The following SLCO1C1 variants were observed in gnomAD, a reference collection of about 807,000 sequenced individuals.
SLCO1C1 encodes the protein OAT-RP-5.
Under a neutral mutation model 76.4 loss-of-function variants are expected in SLCO1C1, and 70 were observed. The ratio of observed to expected loss-of-function variants is 0.92; its 90% confidence interval spans 0.76 to 1.12. The LOEUF (loss-of-function observed/expected upper bound fraction) is 1.12. Ranked by LOEUF, SLCO1C1 falls within the 50% of genes most tolerant of loss-of-function variation. The pLI, the probability that SLCO1C1 is intolerant of heterozygous loss-of-function variation, is 0.00. For missense variants in SLCO1C1, 912 were observed against 823.8 expected (o/e 1.11, Z -1.31); for synonymous variants, 306 against 286.1 (o/e 1.07, Z -0.70).
chr12:20,715,976 C>T (rs1947343713), intron 6 of SLCO1C1, among the ~76,000 whole-genome samples: 1 of 152,136 alleles, frequency 6.6e-6, no homozygotes, highest in African/African-American at 2.4e-5. Context: ...ACACGTCAGT[C>T]TCTCCTTTTT....
intron 11 of SLCO1C1, among the ~76,000 whole-genome samples, chr12:20,737,522 TCATTTTGC>T (rs1276147510): frequency 1.3e-5 from 2 of 152,186 alleles, no homozygotes; most frequent in African/African-American, 4.8e-5. Flanking sequence ...TCTATTTCTC[TCATTTTGC>T]TTATAAGAAG....
At chr12:20,735,184 C>T (rs922270235) in intron 10 of SLCO1C1, among the ~76,000 whole-genome samples, 1 of 152,044 alleles carries the variant, frequency 6.6e-6, no homozygotes, top group Non-Finnish European at 1.5e-5. Flanking sequence ...TTGCTTTATT[C>T]CAAACGCTGT....
chr12:20,722,025 G>T lies in SLCO1C1; in HGVS notation c.997G>T (p.Ala333Ser). 1 of 1,613,032 alleles carries T rather than the reference G, an allele frequency of 6.2e-7. No homozygotes were observed. The highest frequency in any genetic ancestry group is 8.5e-7 in the Non-Finnish European group (1 of 1,179,676). ...CTACCAAACACCCCAGGGAGAAAAT[G>T]CAAAAATAATGGAAATGGCAAGAGG... ...TDYQTPQGEN[A>S]KIMEMARDFL... Residue 333 changes from alanine to serine, a missense_variant, in exon 8 of 15, where the codon GCA (alanine) becomes TCA (serine). Physicochemically the swap from Ala to Ser is moderately conservative, Grantham distance 99 (BLOSUM62 1). Coordinates refer to ENST00000266509, the MANE Select transcript of SLCO1C1 (RefSeq NM_017435.5).
intron 5 of SLCO1C1, among the ~76,000 whole-genome samples, chr12:20,712,290 G>C (rs575032218): frequency 1.7e-4 from 26 of 152,210 alleles, no homozygotes; most frequent in Admixed American, 1.7e-3. Flanking sequence ...TTGGCAATAT[G>C]GGAATATTCT....
Position 20,743,285 on chromosome 12 carries a change from G to A in SLCO1C1, c.1734-20G>A. On this transcript the variant is annotated intron_variant, in intron 12 of 14. Transcript: ENST00000266509. ...TAATGGATTATATATTTCTTGTAATGGTGCTTTTGTTGATTTTAGGTGCAT... is the reference window on the plus strand; with the variant it reads ...TAATGGATTATATATTTCTTGTAATAGTGCTTTTGTTGATTTTAGGTGCAT... 6.2e-7 allele frequency: 1 copy of A among 1,607,914 alleles called. No homozygotes were observed. The highest frequency in any genetic ancestry group is 1.1e-5 in the South Asian group (1 of 90,742).
chr12:20,735,521 T>C (rs1948497922), intron 10 of SLCO1C1, among the ~76,000 whole-genome samples: 1 of 152,214 alleles, frequency 6.6e-6, no homozygotes, highest in Non-Finnish European at 1.5e-5. Context: ...AAAAGGCAGT[T>C]TTATACTTTC....
At position 20,699,634 on chromosome 12, in the gene SLCO1C1, G is replaced by C; in HGVS notation, c.58G>C (p.Val20Leu). The C allele has an allele frequency of 6.2e-7, 1 of 1,612,544 alleles. No homozygotes were observed. The highest frequency in any genetic ancestry group is 8.5e-7 in the Non-Finnish European group (1 of 1,179,128). Residue 20 changes from valine to leucine, a missense_variant, in exon 2 of 15, where the codon GTT (valine) becomes CTT (leucine). By Grantham distance (32) the Val-to-Leu change is conservative. Transcript: ENST00000266509. ...GTTCTGCAAAACTTCAGTGCAACCT[G>C]TTGGAAGGCCTTCTTTTAAAACAGA... ...QLFCKTSVQP[V>L]GRPSFKTEYP...
At chr12:20,701,508 G>A in intron 3 of SLCO1C1, 49 bp downstream of exon 3, 1 of 1,383,312 alleles carries the variant, frequency 7.2e-7, no homozygotes, top group Non-Finnish European at 9.6e-7. Flanking sequence ...AGATCTTCTA[G>A]GTGTGGCTAA....
intron 14 of SLCO1C1, 114 bp downstream of exon 14, chr12:20,750,906 G>A: frequency 6.3e-7 from 1 of 1,597,396 alleles, no homozygotes. Flanking sequence ...GTAAAGAATA[G>A]TCTAATCAAA....
intron 13 of SLCO1C1, among the ~76,000 whole-genome samples, chr12:20,746,123 C>T (rs1023874739): frequency 1.3e-5 from 2 of 151,986 alleles, no homozygotes; most frequent in African/African-American, 4.8e-5. Flanking sequence ...AATGAATAAG[C>T]TATCAAAGCC....
At chr12:20,730,178 C>G (rs1948203767) in intron 9 of SLCO1C1, among the ~76,000 whole-genome samples, 1 of 152,124 alleles carries the variant, frequency 6.6e-6, no homozygotes, top group Non-Finnish European at 1.5e-5. Context: ...TCAGAAGATA[C>G]TTTATTCATA....
chr12:20,717,727 C>T lies in SLCO1C1; in HGVS notation c.775+497C>T, dbSNP rs551476945. On this transcript the variant is annotated intron_variant, in intron 7 of 14. Coordinates refer to ENST00000266509, the MANE Select transcript of SLCO1C1 (RefSeq NM_017435.5). The stretch of plus-strand genomic sequence containing the variant: ...GTCATTTTTAGGTGGAAGCATGTTA[C>T]AGCACATTATCGAGGAAGACTGGCT... Among the ~76,000 whole-genome samples, 5 of 119,580 alleles carry T rather than the reference C, an allele frequency of 4.2e-5. No homozygotes were observed. The East Asian group carries it at 1.5e-3, about 35-fold the overall frequency. 78.4% of individuals were successfully genotyped at this position (119,580 alleles called of 152,430 possible).
rs1238632883 is a variant in SLCO1C1 at position 20,740,814 on chromosome 12, T to TATATATATAC, written c.1733+450_1733+451insATATACATAT. ...ATATATATATATATATATATATATA[T>TATATATATAC]ATATGGCTTTATCTGTATATTTTTG... On this transcript the variant is annotated intron_variant, in intron 12 of 14. Transcript: ENST00000266509. Among the ~76,000 whole-genome samples the TATATATATAC allele has an allele frequency of 5.3e-5, 7 of 133,318 alleles. No homozygotes were observed. The South Asian group carries it at 1.7e-3, about 33-fold the overall frequency. The allele number at this position is 133,318 out of a possible 152,430, so 87.5% of individuals were successfully genotyped here.
chr12:20,735,887 T>C (rs1455759435), intron 10 of SLCO1C1, among the ~76,000 whole-genome samples: 1 of 152,172 alleles, frequency 6.6e-6, no homozygotes, highest in Non-Finnish European at 1.5e-5. Context: ...TTATTCCTGG[T>C]TCTGGACATA....
At chr12:20,699,865 A>C in intron 2 of SLCO1C1, 160 bp downstream of exon 2, 1 of 720,410 alleles carries the variant, frequency 1.4e-6, no homozygotes, top group Admixed American at 3.8e-5. Context: ...CGGTGCAAGC[A>C]ATCTCTACCT....
chr12:20,726,055 CG>C (rs1947969531), intron 9 of SLCO1C1, among the ~76,000 whole-genome samples: 1 of 151,986 alleles, frequency 6.6e-6, no homozygotes, highest in Non-Finnish European at 1.5e-5. Context: ...GCCGACTAAG[CG>C]TAAGTGGGCC....
At chr12:20,714,951 T>C (rs930723680) in intron 5 of SLCO1C1, among the ~76,000 whole-genome samples, 188 bp from the exon 6 acceptor site, 1 of 152,162 alleles carries the variant, frequency 6.6e-6, no homozygotes, top group African/African-American at 2.4e-5. Flanking sequence ...TCTTGGGGAT[T>C]TACTCTGCCT....
intron 8 of SLCO1C1, among the ~76,000 whole-genome samples, chr12:20,722,732 G>A (rs1188906501): frequency 6.6e-6 from 1 of 152,206 alleles, no homozygotes. Flanking sequence ...GAAAAGTGAA[G>A]GTCTTTATGT....
At chr12:20,713,083 C>CT (rs71039973) in intron 5 of SLCO1C1, among the ~76,000 whole-genome samples, 118,843 of 142,594 alleles carry the variant, frequency 0.83, 50,630 homozygotes, top group East Asian at 0.93. Flanking sequence ...AAGATGTTTT[C>CT]TTTTTTTTTT....
Sources: allele counts gnomAD v4.1 joint callset (sites outside exome capture counted in the v4.1 genomes callset), GRCh38; gene constraint gnomAD v4.1.1; transcripts MANE v1.5; gene names NCBI Gene and HGNC (gene_info 2026-07-23, HGNC 2026-07-21).